KALRN: variants seen among roughly 807,000 people sequenced by gnomAD.
The protein encoded by KALRN is kalirin.
Under a neutral mutation model 353.7 loss-of-function variants are expected in KALRN, and 70 were observed. That is an observed-to-expected ratio of 0.20 (90% confidence interval 0.16 to 0.24). The LOEUF is 0.24. Ranked by LOEUF, KALRN falls within the 10% of genes least tolerant of loss-of-function variation. The pLI is 1.00. For missense variants in KALRN, 2,791 were observed against 3,756.7 expected (o/e 0.74, Z 6.72); for synonymous variants, 1,391 against 1,434.8 (o/e 0.97, Z 0.69).
In KALRN at chr3:124,389,986, G is replaced by A. The variant is rs564517121; in HGVS notation, c.1962+4950G>A. Among the ~76,000 whole-genome samples, 10 of 152,304 alleles carry A rather than the reference G, an allele frequency of 6.6e-5. 1 individual carries two copies. Among genetic ancestry groups the A allele is most frequent in the Admixed American group, 2.6e-4 (4 of 15,300 alleles). ...AAAGAAAGGCAACAAACATGTACTT[G>A]GGACTTTCTTATACATCCAGAGCCT... On this transcript the variant is annotated intron_variant, in intron 11 of 59. Coordinates refer to ENST00000682506, the MANE Select transcript of KALRN (RefSeq NM_001388419.1).
intron 9 of KALRN, among the ~76,000 whole-genome samples, chr3:124,346,469 C>T (rs1199044702): frequency 6.6e-6 from 1 of 152,152 alleles, no homozygotes; most frequent in African/African-American, 2.4e-5. Flanking sequence ...TCCACTGCTT[C>T]CCAAGAGACT....
chr3:124,479,249 A>G (rs971650756), intron 27 of KALRN, among the ~76,000 whole-genome samples: 3 of 152,110 alleles, frequency 2.0e-5, no homozygotes, highest in African/African-American at 4.8e-5. Context: ...TTCCCACCCT[A>G]TACCCCGTTT....
chr3:124,682,583 T>C (rs1171340086), intron 51 of KALRN, among the ~76,000 whole-genome samples: 2 of 151,674 alleles, frequency 1.3e-5, no homozygotes, highest in African/African-American at 4.9e-5. Flanking sequence ...CAAAACATTC[T>C]TTACTTTTTC....
chr3:124,066,646 G>C (rs745927180), intron 1 of KALRN, among the ~76,000 whole-genome samples: 1 of 152,136 alleles, frequency 6.6e-6, no homozygotes, highest in African/African-American at 2.4e-5. Flanking sequence ...AGGGAACACC[G>C]CTTCACCCTC....
chr3:124,163,909 T>C, intron 1 of KALRN: 1 of 985,394 alleles, frequency 1.0e-6, no homozygotes, highest in South Asian at 4.7e-5. Flanking sequence ...GCAACATCTG[T>C]CCCCTGCTGA....
intron 57 of KALRN, among the ~76,000 whole-genome samples, chr3:124,707,223 G>T (rs1224914435): frequency 3.3e-5 from 5 of 152,044 alleles, no homozygotes; most frequent in Non-Finnish European, 7.4e-5. Context: ...CACACCTGTA[G>T]TCCCAGCTAC....
At chr3:124,337,166 T>C (rs2149480656) in intron 9 of KALRN, among the ~76,000 whole-genome samples, 1 of 152,320 alleles carries the variant, frequency 6.6e-6, no homozygotes, top group Non-Finnish European at 1.5e-5. Context: ...TCTTGCCTGA[T>C]TGCCCTGGCC....
intron 22 of KALRN, 68 bp downstream of exon 22, chr3:124,455,427 G>A (rs143976963): frequency 2.1e-5 from 30 of 1,439,994 alleles, no homozygotes; most frequent in African/African-American, 4.2e-5. Context: ...TGCCCTCATC[G>A]CCATGGAAGA....
chr3:124,158,496 T>C (rs1451214931), intron 1 of KALRN, among the ~76,000 whole-genome samples: 1 of 152,192 alleles, frequency 6.6e-6, no homozygotes, highest in Non-Finnish European at 1.5e-5. Context: ...GAGGCCATTG[T>C]CCCCAAGAGG....
intron 34 of KALRN, among the ~76,000 whole-genome samples, chr3:124,617,121 C>T (rs2078698387): frequency 6.6e-6 from 1 of 152,030 alleles, no homozygotes; most frequent in Admixed American, 6.6e-5. Flanking sequence ...CACTTGAGAT[C>T]AGGAGTTTGA....
chr3:124,652,778 C>T (rs903138355), intron 38 of KALRN, among the ~76,000 whole-genome samples: 4 of 151,752 alleles, frequency 2.6e-5, no homozygotes, highest in South Asian at 2.1e-4. Flanking sequence ...GGGGTTTCAC[C>T]GTGTTAGCCA....
chr3:124,496,484 C>G, intron 33 of KALRN, 71 bp downstream of exon 33: 1 of 1,133,992 alleles, frequency 8.8e-7, no homozygotes, highest in Non-Finnish European at 1.3e-6. Context: ...AGAGGTACCC[C>G]TAGAGAATTT....
chr3:124,537,270 G>T (rs776758124), intron 33 of KALRN, among the ~76,000 whole-genome samples: 2 of 152,152 alleles, frequency 1.3e-5, no homozygotes, highest in Admixed American at 1.3e-4. Context: ...TTGAACTCCC[G>T]ACCTAAGGTG....
intron 37 of KALRN, among the ~76,000 whole-genome samples, chr3:124,648,802 G>C (rs1214475835): frequency 6.6e-6 from 1 of 152,220 alleles, no homozygotes; most frequent in Non-Finnish European, 1.5e-5. Flanking sequence ...ATGGCACCAG[G>C]AGACATGTCA....
Position 124,173,022 on chromosome 3 carries a change from A to G in KALRN, c.74-54968A>G, listed in dbSNP as rs186660374. 7.1e-4 allele frequency among the ~76,000 whole-genome samples: 108 copies of G among 152,262 alleles called. No individual in the cohort carries two copies. In the South Asian group the frequency reaches 0.015, roughly 21 times the overall value. ...CAGGAAATTAGGCTTCAGGAGATTAAATAATAACTGGCCTAAGGTCACACA... is the reference window on the plus strand; with the variant it reads ...CAGGAAATTAGGCTTCAGGAGATTAGATAATAACTGGCCTAAGGTCACACA... On this transcript the variant is annotated intron_variant, in intron 1 of 59. Transcript: ENST00000682506.
At chr3:124,044,859 C>T (rs4995856) in intron 1 of KALRN, among the ~76,000 whole-genome samples, 13,155 of 39,026 alleles carry the variant, frequency 0.34, 2,575 homozygotes, top group Non-Finnish European at 0.5. Context: ...CCCTCCCTCC[C>T]TCCTTCCTTC....
chr3:124,600,447 G>T (rs2076685091), intron 34 of KALRN, among the ~76,000 whole-genome samples: 1 of 152,198 alleles, frequency 6.6e-6, no homozygotes, highest in Non-Finnish European at 1.5e-5. Flanking sequence ...GTATCAATGG[G>T]TACGTATTTC....
At chr3:124,123,156 C>T (rs541930806) in intron 1 of KALRN, among the ~76,000 whole-genome samples, 4 of 149,268 alleles carry the variant, frequency 2.7e-5, no homozygotes, top group South Asian at 4.3e-4. Context: ...GCCGAGATTG[C>T]GCCACTGCAC....
In KALRN at chr3:124,112,564, C is replaced by T. The variant is rs75126289; in HGVS notation, c.73+78751C>T. ...AATTTATCCTGCCTGTCCCCAACTG[C>T]ACCACTGGAGTATCTAATGAGCAGA... On this transcript the variant is annotated intron_variant, in intron 1 of 59. Transcript: ENST00000682506. Among the ~76,000 whole-genome samples the T allele has an allele frequency of 5.1e-3, 771 of 152,288 alleles. 34 individuals are homozygous for T. The East Asian group carries it at 0.12, about 23-fold the overall frequency.
Sources: gnomAD v4.1 joint callset for allele counts (sites outside exome capture counted in the v4.1 genomes callset) on GRCh38, gnomAD v4.1.1 for gene constraint, MANE v1.5 for transcripts, NCBI Gene and HGNC (gene_info 2026-07-23, HGNC 2026-07-21) for gene names.